The following SIM1 variants were observed in gnomAD, a reference collection of about 807,000 sequenced individuals.
SIM1 encodes SIM bHLH transcription factor 1.
Under a neutral mutation model 78.2 loss-of-function variants are expected in SIM1, and 18 were observed. The observed-to-expected ratio is 0.23, with a 90% CI of 0.16 to 0.34. The LOEUF is 0.34. Ranked by LOEUF, SIM1 falls within the 10% of genes least tolerant of loss-of-function variation. SIM1 has a pLI of 1.00. For synonymous variants in SIM1, 417 were observed against 385.2 expected (o/e 1.08, Z -0.97); for missense variants, 939 against 975.1 (o/e 0.96, Z 0.49).
intron 9 of SIM1, among the ~76,000 whole-genome samples, chr6:100,429,110 T>A (rs1771822008): frequency 1.3e-5 from 2 of 152,208 alleles, no homozygotes; most frequent in Admixed American, 1.3e-4. Context: ...AGCTCACGCC[T>A]GTAATCCCAG....
intron 2 of SIM1, among the ~76,000 whole-genome samples, chr6:100,454,853 G>A (rs1406507088): frequency 6.6e-6 from 1 of 152,172 alleles, no homozygotes; most frequent in Non-Finnish European, 1.5e-5. Flanking sequence ...AACTTTCGAA[G>A]ACCTGTGTTA....
intron 2 of SIM1, among the ~76,000 whole-genome samples, chr6:100,455,098 G>A (rs898774861): frequency 1.3e-5 from 2 of 152,082 alleles, no homozygotes; most frequent in Non-Finnish European, 2.9e-5. Flanking sequence ...AAAACATGGA[G>A]TTGGATTTTT....
chr6:100,388,204 T>C lies in SIM1; in HGVS notation c.*2157A>G, dbSNP rs535210986. 6.6e-6 allele frequency: 1 copy of C among 152,106 alleles called. No homozygotes were observed. The highest frequency in any genetic ancestry group is 1.5e-5 in the Non-Finnish European group (1 of 68,004). The allele number at this position is 152,106 out of a possible 1,614,324, so 9.4% of individuals were successfully genotyped here. The stretch of plus-strand genomic sequence containing the variant: ...GTCACCCCTTGGTATAAACAGGGAG[T>C]TGGTTCCAGGATTACCCCCATATAA... On this transcript the variant is annotated 3_prime_UTR_variant, in exon 12 of 12. Coordinates refer to ENST00000369208, the MANE Select transcript of SIM1 (RefSeq NM_005068.3).
At chr6:100,449,554 G>A (rs1358742536) in intron 5 of SIM1, 37 bp downstream of exon 5, 7 of 1,589,788 alleles carry the variant, frequency 4.4e-6, no homozygotes, top group Non-Finnish European at 6.0e-6. Flanking sequence ...AGCGGACTGC[G>A]ATGGGCCTGA....
At chr6:100,443,562 A>G (rs535455967) in intron 9 of SIM1, among the ~76,000 whole-genome samples, 1 of 152,228 alleles carries the variant, frequency 6.6e-6, no homozygotes, top group African/African-American at 2.4e-5. Flanking sequence ...TCATCTATCC[A>G]TCAGCCTAAT....
chr6:100,405,076 A>G lies in SIM1; in HGVS notation c.1168-11187T>C, dbSNP rs6902666. On this transcript the variant is annotated intron_variant, in intron 10 of 11. Transcript: ENST00000369208. ...TAATTTATCTTATTAATAAACAGCAAAAATAAATCTATATAATACATATTA... is the reference window on the plus strand; with the variant it reads ...TAATTTATCTTATTAATAAACAGCAGAAATAAATCTATATAATACATATTA... Among the ~76,000 whole-genome samples, 1,127 of 152,176 alleles carry G rather than the reference A, an allele frequency of 7.4e-3. 10 individuals are homozygous for G. The highest frequency in any genetic ancestry group is 0.026 in the African/African-American group (1,085 of 41,554).
chr6:100,452,354 T>C (rs1772533736), intron 3 of SIM1, among the ~76,000 whole-genome samples: 1 of 152,230 alleles, frequency 6.6e-6, no homozygotes, highest in Admixed American at 6.5e-5. Context: ...CTGCTCTCCT[T>C]AGAATGCAAA....
intron 2 of SIM1, chr6:100,462,984 G>T: frequency 3.7e-6 from 1 of 269,092 alleles, no homozygotes; most frequent in South Asian, 1.3e-4. Context: ...AGTCATGTTT[G>T]GATTAGTAGT....
chr6:100,407,788 A>G (rs1287349820), intron 10 of SIM1, among the ~76,000 whole-genome samples: 1 of 151,902 alleles, frequency 6.6e-6, no homozygotes, highest in East Asian at 1.9e-4. Flanking sequence ...ATTTTTAATC[A>G]AATATTTCCT....
Position 100,453,518 on chromosome 6 carries a change from A to G in SIM1, c.258+244T>C, listed in dbSNP as rs547495354. On this transcript the variant is annotated intron_variant, in intron 3 of 11. Coordinates refer to ENST00000369208, the MANE Select transcript of SIM1 (RefSeq NM_005068.3). ...CTCGTTGGGCTACATTCCAAACCCA[A>G]CTTCTCACTTGTCACCTTGCCTCCC... is the stretch of plus-strand genomic sequence containing the variant. Among the ~76,000 whole-genome samples the G allele has an allele frequency of 2.6e-4, 40 of 151,864 alleles. No individual in the cohort carries two copies. The South Asian group carries it at 5.4e-3, about 21-fold the overall frequency.
chr6:100,389,537 T>C lies in SIM1; in HGVS notation c.*824A>G, dbSNP rs1411890064. 8 of 398,412 alleles carry C rather than the reference T, an allele frequency of 2.0e-5. No homozygotes were observed. The highest frequency in any genetic ancestry group is 8.8e-5 in the Admixed American group (2 of 22,718). The allele number at this position is 398,412 out of a possible 1,614,324, so 24.7% of individuals were successfully genotyped here. A position where few individuals can be genotyped will look rare whatever the true frequency, so the allele number is the denominator to read the frequency against. ...CCTTAAATTGTGTTAAACTTTGAGA[T>C]AGCATTTTATTTCACTCTGCCTCTG... is the stretch of plus-strand genomic sequence containing the variant. On this transcript the variant is annotated 3_prime_UTR_variant, in exon 12 of 12. Coordinates refer to ENST00000369208, the MANE Select transcript of SIM1 (RefSeq NM_005068.3).
chr6:100,408,552 C>T (rs1771109466), intron 10 of SIM1, among the ~76,000 whole-genome samples: 2 of 151,900 alleles, frequency 1.3e-5, no homozygotes, highest in South Asian at 4.2e-4. Flanking sequence ...TGGTAGCCTG[C>T]CCTATATAAT....
chr6:100,448,622 G>A lies in SIM1; in HGVS notation c.600C>T (p.Pro200=). The A allele has an allele frequency of 6.2e-7, 1 of 1,613,928 alleles. No individual in the cohort carries two copies. The highest frequency in any genetic ancestry group is 8.5e-7 in the Non-Finnish European group (1 of 1,180,028). ...CCACGTTTTGGTAGCAGCCGTCGAAGGGGGACATGTCCAGGCTGTACTGGC... is the reference window on the plus strand; with the variant it reads ...CCACGTTTTGGTAGCAGCCGTCGAAAGGGGACATGTCCAGGCTGTACTGGC... ...KIRQYSLDMS[P]FDGCYQNVGL... The change falls in exon 7 of 12, where the codon CCC becomes CCT. Residue 200 remains proline (P), a synonymous_variant. Transcript: ENST00000369208.
At chr6:100,464,095 GC>G (rs1772927389) in intron 1 of SIM1, among the ~76,000 whole-genome samples, 160 bp from the exon 2 acceptor site, 1 of 152,128 alleles carries the variant, frequency 6.6e-6, no homozygotes. Context: ...CAGCGAGACA[GC>G]CCCCTGCAAA....
intron 9 of SIM1, among the ~76,000 whole-genome samples, chr6:100,426,882 G>C (rs1771744712): frequency 6.6e-6 from 1 of 152,200 alleles, no homozygotes; most frequent in Non-Finnish European, 1.5e-5. Flanking sequence ...GAGGTTGCCA[G>C]ATTTCCCGAT....
intron 9 of SIM1, among the ~76,000 whole-genome samples, chr6:100,436,175 G>T (rs1772044282): frequency 6.6e-6 from 1 of 152,152 alleles, no homozygotes; most frequent in African/African-American, 2.4e-5. Flanking sequence ...AATTGTGAGT[G>T]GACGTACTTT....
At position 100,389,577 on chromosome 6, in the gene SIM1, A is replaced by G. The variant is rs1342810087; in HGVS notation, c.*784T>C. 7.5e-6 allele frequency: 3 copies of G among 398,744 alleles called. No individual in the cohort carries two copies. The highest frequency in any genetic ancestry group is 4.1e-5 in the African/African-American group (2 of 48,626). The allele number at this position is 398,744 out of a possible 1,614,324, so 24.7% of individuals were successfully genotyped here. ...CTCTGCCTCTGGCCTTTCCATATTC[A>G]TAGAACTACTTCCAATTGAGCACTC... On this transcript the variant is annotated 3_prime_UTR_variant, in exon 12 of 12. Coordinates refer to ENST00000369208, the MANE Select transcript of SIM1 (RefSeq NM_005068.3).
rs1170422141 is a variant in SIM1, at chr6:100,450,283, T to C, written c.332A>G (p.His111Arg). The C allele has an allele frequency of 2.5e-6, 4 of 1,613,992 alleles. No homozygotes were observed. The highest frequency in any genetic ancestry group is 3.4e-6 in the Non-Finnish European group (4 of 1,179,948). The stretch of plus-strand genomic sequence containing the variant: ...CTCACCTACCTGAGAAAGACCCAAG[T>C]GGACTGAGGCTGTCTCTGAGATGTA... ...IMYISETASVHLGLSQVELTG... is the reference protein window; with the variant it reads ...IMYISETASVRLGLSQVELTG... Residue 111 changes from histidine to arginine, a missense_variant, in exon 4 of 12, where the codon CAC (histidine) becomes CGC (arginine). His to Arg is a conservative substitution (Grantham distance 29, BLOSUM62 0). This residue lies in a region of SIM1 where 9 missense variants were observed against 28.5 expected (regional missense o/e 0.32). Transcript: ENST00000369208.
At chr6:100,394,999 G>A (rs989393577) in intron 10 of SIM1, among the ~76,000 whole-genome samples, 41 of 152,232 alleles carry the variant, frequency 2.7e-4, no homozygotes, top group Middle Eastern at 3.4e-3. Context: ...GTGCCTTGTT[G>A]GAATTAAATG....
Sources: allele counts gnomAD v4.1 joint callset (sites outside exome capture counted in the v4.1 genomes callset), GRCh38; gene constraint gnomAD v4.1.1; regional missense constraint gnomAD v4.1.1; transcripts MANE v1.5; gene names NCBI Gene and HGNC (gene_info 2026-07-23, HGNC 2026-07-21).